Variants in ELAVL4 observed in about 807,000 individuals in gnomAD.
ELAVL4 encodes ELAV like RNA binding protein 4.
In ELAVL4, 1 loss-of-function variant was observed where a neutral mutation model predicts 35.6. The ratio of observed to expected loss-of-function variants is 0.03; its 90% CI spans 0.01 to 0.13. ELAVL4 has a LOEUF of 0.13. Among genes scored for constraint, ELAVL4 ranks in the 10% least tolerant of loss-of-function variants. The pLI is 1.00. For synonymous variants in ELAVL4, 156 were observed against 171.0 expected (o/e 0.91, Z 0.69); for missense variants, 267 against 464.9 (o/e 0.57, Z 3.91).
intron 1 of ELAVL4, among the ~76,000 whole-genome samples, chr1:50,118,378 G>T (rs1668312066): frequency 6.6e-6 from 1 of 152,008 alleles, no homozygotes. Flanking sequence ...TGGCAAGGCA[G>T]CATGATGGAT....
At chr1:50,132,191 A>G (rs890131442) in intron 1 of ELAVL4, among the ~76,000 whole-genome samples, 3 of 152,182 alleles carry the variant, frequency 2.0e-5, no homozygotes, top group African/African-American at 7.2e-5. Flanking sequence ...AAAGAGAGAG[A>G]GAAGCTTAAA....
intron 1 of ELAVL4, among the ~76,000 whole-genome samples, chr1:50,142,381 T>C (rs559691184): frequency 6.6e-6 from 1 of 152,200 alleles, no homozygotes; most frequent in South Asian, 2.1e-4. Context: ...TTTTGTATTT[T>C]CAATAGAGAC....
At chr1:50,071,893 C>T (rs1664546637) in intron 1 of ELAVL4, among the ~76,000 whole-genome samples, 1 of 152,100 alleles carries the variant, frequency 6.6e-6, no homozygotes, top group Admixed American at 6.6e-5. Flanking sequence ...TGATAGCAGT[C>T]TATATTGAGT....
intron 2 of ELAVL4, among the ~76,000 whole-genome samples, chr1:50,159,976 A>G (rs1676496133): frequency 6.6e-6 from 1 of 152,310 alleles, no homozygotes; most frequent in African/African-American, 2.4e-5. Flanking sequence ...AAACTCTAGC[A>G]TCAGCACAGT....
At chr1:50,133,465 G>A (rs1016641142) in intron 1 of ELAVL4, among the ~76,000 whole-genome samples, 7 of 151,868 alleles carry the variant, frequency 4.6e-5, no homozygotes, top group African/African-American at 1.7e-4. Flanking sequence ...GAATGTTTAG[G>A]GGCAATGGTA....
intron 1 of ELAVL4, among the ~76,000 whole-genome samples, chr1:50,061,381 T>G (rs1024139378): frequency 6.6e-6 from 1 of 152,216 alleles, no homozygotes; most frequent in Non-Finnish European, 1.5e-5. Flanking sequence ...ACATTTATGT[T>G]TCCTACCTAT....
At chr1:50,195,517 T>C in intron 4 of ELAVL4, 44 bp from the exon 5 acceptor site, 1 of 1,597,086 alleles carries the variant, frequency 6.3e-7, no homozygotes, top group Non-Finnish European at 8.6e-7. Flanking sequence ...TGTTTACCAG[T>C]TTGGTGTGTT....
intron 1 of ELAVL4, among the ~76,000 whole-genome samples, chr1:50,112,488 A>G (rs1667236672): frequency 6.6e-6 from 1 of 152,170 alleles, no homozygotes; most frequent in South Asian, 2.1e-4. Flanking sequence ...GCATTTATTA[A>G]GAAGTGAAAA....
At chr1:50,049,300 CTTTTAATA>C (rs1381361174) in intron 1 of ELAVL4, among the ~76,000 whole-genome samples, 5 of 152,278 alleles carry the variant, frequency 3.3e-5, no homozygotes, top group African/African-American at 9.6e-5. Context: ...GTGCGCCTAG[CTTTTAATA>C]TTTTATAATA....
intron 1 of ELAVL4, among the ~76,000 whole-genome samples, chr1:50,129,301 A>G (rs945856010): frequency 2.0e-5 from 3 of 152,044 alleles, no homozygotes; most frequent in African/African-American, 7.2e-5. Context: ...GGAGCAGTCC[A>G]AGTGGAGGAT....
intron 1 of ELAVL4, among the ~76,000 whole-genome samples, chr1:50,138,176 G>A (rs1672204315): frequency 6.6e-6 from 1 of 152,184 alleles, no homozygotes; most frequent in Admixed American, 6.5e-5. Context: ...CAGTGGAAGG[G>A]CTGGGGTAAG....
At chr1:50,196,610 A>G (rs527652341) in intron 5 of ELAVL4, among the ~76,000 whole-genome samples, 2 of 152,338 alleles carry the variant, frequency 1.3e-5, no homozygotes, top group South Asian at 2.1e-4. Context: ...CTAGGATAGT[A>G]TGCTCCATCT....
At chr1:50,174,341 T>C (rs1679585635) in intron 2 of ELAVL4, 1 of 152,226 alleles carries the variant, frequency 6.6e-6, no homozygotes, top group Admixed American at 6.5e-5. Context: ...TATCTTTCAA[T>C]TCACAGGCAA....
intron 1 of ELAVL4, among the ~76,000 whole-genome samples, chr1:50,132,251 C>T (rs1375896939): frequency 6.6e-6 from 1 of 152,112 alleles, no homozygotes; most frequent in African/African-American, 2.4e-5. Flanking sequence ...CACAAGATGT[C>T]CTTGAAGATG....
chr1:50,157,093 G>A (rs539300688), intron 2 of ELAVL4, among the ~76,000 whole-genome samples: 1 of 152,312 alleles, frequency 6.6e-6, no homozygotes, highest in East Asian at 1.9e-4. Context: ...ACCATTGTAA[G>A]TCGGGGACGG....
At chr1:50,050,674 G>T (rs1202813801) in intron 1 of ELAVL4, among the ~76,000 whole-genome samples, 1 of 152,070 alleles carries the variant, frequency 6.6e-6, no homozygotes, top group Non-Finnish European at 1.5e-5. Context: ...CTTGTGCCAA[G>T]ATTATATTTA....
At chr1:50,069,438 A>G (rs1227450718) in intron 1 of ELAVL4, among the ~76,000 whole-genome samples, 1 of 152,214 alleles carries the variant, frequency 6.6e-6, no homozygotes, top group Non-Finnish European at 1.5e-5. Context: ...CAGAAGCTCC[A>G]TTGTCCAACA....
chr1:50,133,641 A>AAGAAAG (rs1553174574), intron 1 of ELAVL4, among the ~76,000 whole-genome samples: 8 of 147,788 alleles, frequency 5.4e-5, no homozygotes, highest in African/African-American at 1.6e-4. Context: ...GAAAGAAAGA[A>AAGAAAG]AGAAAGAAAG....
At chr1:50,131,018 A>T (rs1670761185) in intron 1 of ELAVL4, among the ~76,000 whole-genome samples, 1 of 152,208 alleles carries the variant, frequency 6.6e-6, no homozygotes, top group African/African-American at 2.4e-5. Flanking sequence ...AAAAGAATAT[A>T]TTAAGAGTTG....
Sources: gnomAD v4.1 joint callset for allele counts (sites outside exome capture counted in the v4.1 genomes callset) on GRCh38, gnomAD v4.1.1 for gene constraint, MANE v1.5 for transcripts, NCBI Gene and HGNC (gene_info 2026-07-23, HGNC 2026-07-21) for gene names.